The following DAB2IP variants were observed in gnomAD, a reference collection of about 807,000 sequenced individuals.
DAB2IP encodes DAB2 interacting protein.
A neutral mutation model predicts 107.2 loss-of-function variants in DAB2IP; 28 were observed. The observed-to-expected ratio is 0.26, with a 90% confidence interval of 0.19 to 0.36. The LOEUF (loss-of-function observed/expected upper bound fraction) is 0.36, where lower values mean the gene tolerates loss of function less well. Among genes scored for constraint, DAB2IP ranks in the 10% least tolerant of loss-of-function variants. DAB2IP has a pLI of 1.00. For synonymous variants in DAB2IP, 755 were observed against 706.4 expected (o/e 1.07, Z -1.09); for missense variants, 1,400 against 1,644.7 (o/e 0.85, Z 2.57).
intron 1 of DAB2IP, among the ~76,000 whole-genome samples, chr9:121,637,477 G>A (rs2777310): frequency 0.41 from 62,787 of 152,034 alleles, 13,953 homozygotes; most frequent in African/African-American, 0.58. Flanking sequence ...CACTGAGTCT[G>A]GTGGGGGAAG....
At position 121,782,864 on chromosome 9, in the gene DAB2IP, G is replaced by A. The variant is rs1315594346; in HGVS notation, c.*366G>A. 9.5e-7 allele frequency: 1 copy of A among 1,054,346 alleles called. No individual in the cohort carries two copies. The highest frequency in any genetic ancestry group is 1.1e-6 in the Non-Finnish European group (1 of 873,902). 65.3% of individuals were successfully genotyped at this position (1,054,346 alleles called of 1,614,324 possible). A position where few individuals can be genotyped will look rare whatever the true frequency, so the allele number is the denominator to read the frequency against. On this transcript the variant is annotated 3_prime_UTR_variant, in exon 16 of 16. Coordinates refer to ENST00000408936, the Ensembl canonical transcript of DAB2IP. The surrounding 1 kb of genome is among the most constrained non-coding windows in gnomAD (Gnocchi z 6.1). ...ATGTGTCCCCCCACACCTGTGCCAG[G>A]GAGGGGGCTTCCTGGAGGGGGGATT...
At chr9:121,603,721 G>A (rs1201051797) in intron 1 of DAB2IP, among the ~76,000 whole-genome samples, 1 of 152,146 alleles carries the variant, frequency 6.6e-6, no homozygotes, top group Non-Finnish European at 1.5e-5. Context: ...CTCTTAAAAC[G>A]TTAGGTTTCT....
At chr9:121,775,519 C>T (rs558193072) in intron 13 of DAB2IP, among the ~76,000 whole-genome samples, 177 of 152,334 alleles carry the variant, frequency 1.2e-3, no homozygotes, top group Admixed American at 1.6e-3. Flanking sequence ...CTCTCGATCC[C>T]GGCGTTGGCC....
At chr9:121,609,236 C>T (rs1447944442) in intron 1 of DAB2IP, among the ~76,000 whole-genome samples, 1 of 152,324 alleles carries the variant, frequency 6.6e-6, no homozygotes, top group African/African-American at 2.4e-5. Context: ...TGAGGCACTG[C>T]GCCCAGCCTT....
At chr9:121,604,303 C>T (rs142722638) in intron 1 of DAB2IP, among the ~76,000 whole-genome samples, 367 of 152,308 alleles carry the variant, frequency 2.4e-3, no homozygotes, top group African/African-American at 8.4e-3. Context: ...TAACCTCTCC[C>T]TGGGGCGAGC....
intron 14 of DAB2IP, among the ~76,000 whole-genome samples, chr9:121,780,127 C>G (rs531034300): frequency 5.9e-5 from 9 of 152,356 alleles, no homozygotes; most frequent in Middle Eastern, 6.8e-3. Context: ...CTCAAGTGAT[C>G]CTCCCTCCCT....
At chr9:121,738,202 C>G (rs1832065062) in intron 3 of DAB2IP, among the ~76,000 whole-genome samples, 1 of 152,144 alleles carries the variant, frequency 6.6e-6, no homozygotes, top group Non-Finnish European at 1.5e-5. Context: ...CGGGCCTTGA[C>G]CCTAGGCTGC....
intron 8 of DAB2IP, among the ~76,000 whole-genome samples, chr9:121,765,056 C>A (rs1156241842): frequency 2.0e-5 from 3 of 152,170 alleles, no homozygotes; most frequent in African/African-American, 7.2e-5. Flanking sequence ...CTGGGCTATA[C>A]AAGGTGCTTG....
Position 121,759,758 on chromosome 9 carries a change from A to G in DAB2IP, c.616-127A>G. The G allele has an allele frequency of 5.1e-6, 4 of 788,122 alleles. 1 individual carries two copies. The South Asian group carries it at 7.4e-5, about 15-fold the overall frequency. 48.8% of individuals were successfully genotyped at this position (788,122 alleles called of 1,614,324 possible). ...CCTGCCTCATCCTGACTTAGGGCCT[A>G]GGCGCCCGCTGCCGCCTCCACCTTC... On this transcript the variant is annotated intron_variant, in intron 5 of 15. Coordinates refer to ENST00000408936, the Ensembl canonical transcript of DAB2IP.
intron 1 of DAB2IP, among the ~76,000 whole-genome samples, chr9:121,606,981 G>A (rs1054975573): frequency 2.6e-5 from 4 of 151,986 alleles, no homozygotes; most frequent in Non-Finnish European, 5.9e-5. Flanking sequence ...CACCATATTG[G>A]TCAGGCTGGT....
In DAB2IP at chr9:121,690,429, C is replaced by T. The variant is rs984824978; in HGVS notation, c.229-8896C>T. Among the ~76,000 whole-genome samples the T allele has an allele frequency of 2.6e-5, 4 of 152,118 alleles. No homozygotes were observed. The South Asian group carries it at 8.3e-4, about 32-fold the overall frequency. On this transcript the variant is annotated intron_variant, in intron 2 of 15. Transcript: ENST00000408936. The stretch of plus-strand genomic sequence containing the variant: ...CCACGAGGCCCTGGGTATCCAACTC[C>T]CCACCCCTTAGCCAGGGCTGGCTGA...
intron 2 of DAB2IP, among the ~76,000 whole-genome samples, chr9:121,695,738 A>G: frequency 6.6e-6 from 1 of 152,246 alleles, no homozygotes; most frequent in East Asian, 1.9e-4. Context: ...GCTAGGCCCG[A>G]CACATGTCAC....
At position 121,782,635 on chromosome 9, in the gene DAB2IP, T is replaced by C; in HGVS notation, c.*137T>C. 5 of 1,491,584 alleles carry C rather than the reference T, an allele frequency of 3.4e-6. No homozygotes were observed. Among genetic ancestry groups the C allele is most frequent in the Non-Finnish European group, 4.4e-6 (5 of 1,124,982 alleles). The allele number at this position is 1,491,584 out of a possible 1,614,324, so 92.4% of individuals were successfully genotyped here. Reference sequence around the variant, plus strand: ...AGGCCGAGCCTCCCCTCCCTGCCGCTGTCCAGGAGGCGGCCGCAGAGGGAG... The same window carrying C: ...AGGCCGAGCCTCCCCTCCCTGCCGCCGTCCAGGAGGCGGCCGCAGAGGGAG... On this transcript the variant is annotated 3_prime_UTR_variant, in exon 16 of 16. Coordinates refer to ENST00000408936, the Ensembl canonical transcript of DAB2IP. The surrounding 1 kb of genome is among the most constrained non-coding windows in gnomAD (Gnocchi z 6.1).
intron 3 of DAB2IP, among the ~76,000 whole-genome samples, chr9:121,704,337 G>T (rs1829947532): frequency 6.6e-6 from 1 of 152,196 alleles, no homozygotes; most frequent in African/African-American, 2.4e-5. Flanking sequence ...AACATTGGAT[G>T]TCATCATTAA....
chr9:121,708,523 T>C (rs993313734), intron 3 of DAB2IP, among the ~76,000 whole-genome samples: 1 of 152,220 alleles, frequency 6.6e-6, no homozygotes, highest in African/African-American at 2.4e-5. Context: ...ATGACTGATC[T>C]GCATTTTGCA....
chr9:121,652,585 C>A (rs1026840742), intron 1 of DAB2IP, among the ~76,000 whole-genome samples: 1 of 152,066 alleles, frequency 6.6e-6, no homozygotes, highest in Non-Finnish European at 1.5e-5. Flanking sequence ...GAGGAGGAGG[C>A]CTTCAAAGGG....
chr9:121,766,924 A>C (rs1004289232), intron 9 of DAB2IP, among the ~76,000 whole-genome samples, 194 bp downstream of exon 9: 3 of 152,198 alleles, frequency 2.0e-5, no homozygotes, highest in Non-Finnish European at 4.4e-5. Context: ...TACTCAAGGT[A>C]TATGTCATTT....
intron 1 of DAB2IP, among the ~76,000 whole-genome samples, chr9:121,578,804 G>A (rs4129626): frequency 1.6e-5 from 2 of 124,954 alleles, no homozygotes; most frequent in Non-Finnish European, 3.1e-5. Context: ...GCAGAGGCAC[G>A]ATCTTGGCTC....
rs942396763 is a variant in DAB2IP at position 121,698,675 on chromosome 9, C to A, written c.229-650C>A. 2.6e-5 allele frequency among the ~76,000 whole-genome samples: 4 copies of A among 152,290 alleles called. No homozygotes were observed. The highest frequency in any genetic ancestry group is 4.2e-4 in the South Asian group (2 of 4,814). On this transcript the variant is annotated intron_variant, in intron 2 of 15. Transcript: ENST00000408936. This position sits in a 1 kb window ranked among gnomAD's most constrained non-coding sequence, Gnocchi z 4.1. ...ACCCTGACATCAAGCTACTGCCGCT[C>A]TGGGAAGGAAAGTCGCCCGGAATCG...
Sources: allele counts gnomAD v4.1 joint callset (sites outside exome capture counted in the v4.1 genomes callset), GRCh38; gene constraint gnomAD v4.1.1; non-coding constraint Gnocchi (gnomAD v3.1); transcripts MANE v1.5; gene names NCBI Gene and HGNC (gene_info 2026-07-23, HGNC 2026-07-21).